Variants in SPECC1L observed in about 807,000 individuals in gnomAD.
SPECC1L encodes the protein sperm antigen with calponin homology and coiled-coil domains 1 like.
In SPECC1L, 40 loss-of-function variants were observed where a neutral mutation model predicts 116.8. The ratio of observed to expected loss-of-function variants is 0.34; its 90% CI spans 0.27 to 0.45. The LOEUF is 0.45. Ranked by LOEUF, SPECC1L falls within the 20% of genes least tolerant of loss-of-function variation. The probability of loss-of-function intolerance (pLI) is 1.00; values close to 1 mark genes in which losing one functional copy is unlikely to be tolerated. For missense variants in SPECC1L, 1,110 were observed against 1,373.6 expected (o/e 0.81, Z 3.03); for synonymous variants, 504 against 500.6 (o/e 1.01, Z -0.09).
rs1258243444 is a variant in SPECC1L, at chr22:24,363,256, TACAGAGCATCTGTTAAGA to T, written c.2744-1_2760del. ...CTTTATTGGGATTCTTTCTACTTTG[TACAGAGCATCTGTTAAGA>T]ACATCTTCAGCCAGCCGGCCTGCTT... On this transcript the variant is annotated splice_acceptor_variant and splice_polypyrimidine_tract_variant and coding_sequence_variant and intron_variant, in exon 12 of 17. Coordinates refer to ENST00000314328, the MANE Select transcript of SPECC1L (RefSeq NM_015330.6). LOFTEE classifies it high-confidence loss of function. 4 of 1,613,178 alleles carry T rather than the reference TACAGAGCATCTGTTAAGA, an allele frequency of 2.5e-6. No individual in the cohort carries two copies. Among genetic ancestry groups the T allele is most frequent in the Non-Finnish European group, 3.4e-6 (4 of 1,179,212 alleles).
chr22:24,341,313 A>C (rs775531148), intron 10 of SPECC1L, among the ~76,000 whole-genome samples: 9 of 152,208 alleles, frequency 5.9e-5, no homozygotes, highest in Non-Finnish European at 8.8e-5. Flanking sequence ...ACAGCCCCGC[A>C]AGAATAATTT....
intron 11 of SPECC1L, among the ~76,000 whole-genome samples, chr22:24,355,402 T>C (rs1367619348): frequency 1.3e-5 from 2 of 152,082 alleles, no homozygotes; most frequent in Non-Finnish European, 2.9e-5. Context: ...TATGTATATG[T>C]ACCAACTCAT....
At chr22:24,400,687 G>A (rs2042456131) in intron 14 of SPECC1L, among the ~76,000 whole-genome samples, 2 of 152,230 alleles carry the variant, frequency 1.3e-5, no homozygotes, top group African/African-American at 4.8e-5. Context: ...CCCACCAGCA[G>A]TGTCCAAGGA....
intron 1 of SPECC1L, among the ~76,000 whole-genome samples, 169 bp downstream of exon 1, chr22:24,271,152 C>T (rs2048717972): frequency 1.3e-5 from 2 of 152,254 alleles, no homozygotes; most frequent in Non-Finnish European, 2.9e-5. Flanking sequence ...GCGCCTTTCC[C>T]TTCCCGCGCC....
intron 2 of SPECC1L, among the ~76,000 whole-genome samples, chr22:24,293,317 G>A (rs938588549): frequency 6.6e-6 from 1 of 152,132 alleles, no homozygotes; most frequent in African/African-American, 2.4e-5. Flanking sequence ...ACGGGGCGTG[G>A]TGGTACGCAC....
rs201142221 is a variant in SPECC1L at position 24,365,561 on chromosome 22, C to T, written c.2913C>T (p.Thr971=). ...CAGCCTCTCTGATGGCTATGGGAACCACGTCTCCACAGCTTTCCCTGTCCT... is the reference window on the plus strand; with the variant it reads ...CAGCCTCTCTGATGGCTATGGGAACTACGTCTCCACAGCTTTCCCTGTCCT... ...ASPASLMAMG[T]TSPQLSLSSS... The change falls in exon 13 of 17, where the codon ACC becomes ACT. Residue 971 remains threonine, a synonymous_variant. Coordinates refer to ENST00000314328, the MANE Select transcript of SPECC1L (RefSeq NM_015330.6). 19 of 1,613,976 alleles carry T rather than the reference C, an allele frequency of 1.2e-5. No homozygotes were observed. Among genetic ancestry groups the T allele is most frequent in the African/African-American group, 2.7e-5 (2 of 74,892 alleles).
Position 24,414,950 on chromosome 22 carries a change from T to A in SPECC1L, c.*327T>A. On this transcript the variant is annotated 3_prime_UTR_variant, in exon 17 of 17. Transcript: ENST00000314328. ...CAGGGCACCAAACAAAAAGGGCTCA[T>A]GCACAGCTGAATTTGGGAAAAGGGA... 2.8e-6 allele frequency: 1 copy of A among 359,380 alleles called. No homozygotes were observed. Among genetic ancestry groups the A allele is most frequent in the Non-Finnish European group, 5.4e-6 (1 of 186,810 alleles). 22.3% of individuals were successfully genotyped at this position (359,380 alleles called of 1,614,324 possible).
At chr22:24,372,909 T>C (rs1428296194) in intron 14 of SPECC1L, among the ~76,000 whole-genome samples, 1 of 152,230 alleles carries the variant, frequency 6.6e-6, no homozygotes, top group Non-Finnish European at 1.5e-5. Context: ...CTTAAGCTGA[T>C]AGGCAACTTC....
Position 24,321,531 on chromosome 22 carries a change from A to G in SPECC1L, c.551A>G (p.Lys184Arg), listed in dbSNP as rs778445800. 7 of 1,614,226 alleles carry G rather than the reference A, an allele frequency of 4.3e-6. No homozygotes were observed. The highest frequency in any genetic ancestry group is 2.2e-5 in the East Asian group (1 of 44,890). Residue 184 changes from lysine (K) to arginine (R), a missense_variant, in exon 5 of 17, where the codon AAA becomes AGA. Coordinates refer to ENST00000314328, the MANE Select transcript of SPECC1L (RefSeq NM_015330.6). ...QISDRAALEA[K>R]VKDLLTLAKT... The stretch of plus-strand genomic sequence containing the variant: ...AGTGACAGAGCTGCTTTGGAGGCCA[A>G]AGTGAAGGATCTTCTCACGCTGGCA...
chr22:24,412,132 C>T, intron 15 of SPECC1L: 1 of 357,914 alleles, frequency 2.8e-6, no homozygotes, highest in Non-Finnish European at 5.4e-6. Context: ...GAAACACCAA[C>T]CCTGTGCACT....
Position 24,378,551 on chromosome 22 carries a change from G to A in SPECC1L, c.3087+9231G>A, listed in dbSNP as rs62233976. 7.4e-3 allele frequency among the ~76,000 whole-genome samples: 1,124 copies of A among 152,320 alleles called. 6 individuals carry two copies. The highest frequency in any genetic ancestry group is 0.013 in the South Asian group (61 of 4,832). ...GCCGTGCTTTTCTCAATTAGCTTAA[G>A]CATTTCTAGATTTTGATTTAAAGTG... On this transcript the variant is annotated intron_variant, in intron 14 of 16. Transcript: ENST00000314328.
At chr22:24,306,149 C>T (rs560996481) in intron 3 of SPECC1L, among the ~76,000 whole-genome samples, 14 of 152,220 alleles carry the variant, frequency 9.2e-5, no homozygotes, top group African/African-American at 3.4e-4. Context: ...TCAGGTCATC[C>T]ACCCACCTCG....
intron 13 of SPECC1L, 104 bp from the exon 14 acceptor site, chr22:24,369,114 T>C (rs2041827280): frequency 1.2e-6 from 1 of 803,356 alleles, no homozygotes; most frequent in East Asian, 2.5e-5. Flanking sequence ...TTGTATTGCC[T>C]TACCATGTAT....
Position 24,334,479 on chromosome 22 carries a change from G to T in SPECC1L, c.2466G>T (p.Arg822Ser). 1 of 1,614,148 alleles carries T rather than the reference G, an allele frequency of 6.2e-7. No individual in the cohort carries two copies. The highest frequency in any genetic ancestry group is 8.5e-7 in the Non-Finnish European group (1 of 1,180,008). ...NAVERDLAAL[R>S]QGMGLSRRSS... ...TTGAGAGAGATTTGGCAGCCTTAAGGCAGGGAATGGGACTGAGTAGAAGGT... is the reference window on the plus strand; with the variant it reads ...TTGAGAGAGATTTGGCAGCCTTAAGTCAGGGAATGGGACTGAGTAGAAGGT... Residue 822 changes from arginine (R) to serine (S), a missense_variant, in exon 9 of 17, where the codon AGG (arginine) becomes AGT (serine). Physicochemically the swap from Arg to Ser is moderately radical, Grantham distance 110. Around this residue, in one of 4 missense-constraint regions of SPECC1L, gnomAD observed 575 missense variants for 682.4 expected, o/e 0.84. Transcript: ENST00000314328.
chr22:24,280,266 A>G (rs557680741), intron 2 of SPECC1L, among the ~76,000 whole-genome samples: 6 of 152,110 alleles, frequency 3.9e-5, no homozygotes, highest in Non-Finnish European at 8.8e-5. Context: ...CTACTTCCAC[A>G]CAAACTGCTG....
At chr22:24,401,982 C>T (rs959327608) in intron 14 of SPECC1L, among the ~76,000 whole-genome samples, 1 of 151,958 alleles carries the variant, frequency 6.6e-6, no homozygotes. Context: ...CCACCTCGGC[C>T]GCCTGCCCTA....
intron 4 of SPECC1L, among the ~76,000 whole-genome samples, chr22:24,317,747 G>A (rs1253596146): frequency 6.8e-6 from 1 of 146,006 alleles, no homozygotes; most frequent in African/African-American, 2.6e-5. Context: ...CGGGCGGAGG[G>A]GCTCCTCACT....
chr22:24,289,354 CTGGAATGT>C (rs1469208639), intron 2 of SPECC1L, among the ~76,000 whole-genome samples: 3 of 152,180 alleles, frequency 2.0e-5, no homozygotes, highest in Admixed American at 6.5e-5. Context: ...TGTCACTTGT[CTGGAATGT>C]TAAGTGTTGT....
chr22:24,327,923 G>T (rs751216965), intron 6 of SPECC1L, among the ~76,000 whole-genome samples: 38 of 152,166 alleles, frequency 2.5e-4, no homozygotes, highest in Admixed American at 7.2e-4. Context: ...GATCTACTGG[G>T]GTGGGGCTGT....
Sources: allele counts gnomAD v4.1 joint callset (sites outside exome capture counted in the v4.1 genomes callset), GRCh38; gene constraint gnomAD v4.1.1; regional missense constraint gnomAD v4.1.1; transcripts MANE v1.5; gene names NCBI Gene and HGNC (gene_info 2026-07-23, HGNC 2026-07-21).